DAO: variants seen among roughly 807,000 people sequenced by gnomAD.
DAO encodes D-amino acid oxidase.
In DAO, 51 loss-of-function variants were observed where a neutral mutation model predicts 50.1. That is an observed-to-expected ratio of 1.02 (90% CI 0.81 to 1.29). The LOEUF (loss-of-function observed/expected upper bound fraction) is 1.29. DAO is among the 50% of genes most tolerant of loss of function. The pLI, the probability that DAO is intolerant of heterozygous loss-of-function variation, is 0.00. For synonymous variants in DAO, 160 were observed against 166.2 expected (o/e 0.96, Z 0.29); for missense variants, 436 against 439.4 (o/e 0.99, Z 0.07).
Position 108,900,725 on chromosome 12 carries a change from A to G in DAO, c.*190A>G. 1 of 602,866 alleles carries G rather than the reference A, an allele frequency of 1.7e-6. No homozygotes were observed. The highest frequency in any genetic ancestry group is 2.9e-6 in the Non-Finnish European group (1 of 349,860). The allele number at this position is 602,866 out of a possible 1,614,324, so 37.3% of individuals were successfully genotyped here. ...CAACATGGGGCCCCTCTCATCACTG[A>G]AATCCCTCTACCTTCTCTGGGTCTG... On this transcript the variant is annotated 3_prime_UTR_variant, in exon 11 of 11. Coordinates refer to ENST00000228476, the MANE Select transcript of DAO (RefSeq NM_001917.5).
Position 108,884,897 on chromosome 12 carries a change from G to A in DAO, c.-9-101G>A, listed in dbSNP as rs188510672. The A allele has an allele frequency of 2.0e-4, 215 of 1,079,118 alleles. No individual in the cohort carries two copies. In the East Asian group the frequency reaches 4.6e-3, roughly 23 times the overall value. The allele number at this position is 1,079,118 out of a possible 1,614,324, so 66.8% of individuals were successfully genotyped here. On this transcript the variant is annotated intron_variant, in intron 1 of 10. Transcript: ENST00000228476. ...GGTCAAATATAAAAAGGGCTTGGTG[G>A]TGTCTGGCACCTTCTAAGCCTTCAG... is the stretch of plus-strand genomic sequence containing the variant.
chr12:108,892,053 A>C lies in DAO; in HGVS notation c.453-929A>C, dbSNP rs569410725. ...AAACATGCCCTCAAGATGTTTTTCT[A>C]TCTTGAGGAAATGATGGAAATGAGA... On this transcript the variant is annotated intron_variant, in intron 5 of 10. Coordinates refer to ENST00000228476, the MANE Select transcript of DAO (RefSeq NM_001917.5). Among the ~76,000 whole-genome samples the C allele has an allele frequency of 3.4e-4, 52 of 151,916 alleles. No homozygotes were observed. In the South Asian group the frequency reaches 0.011, roughly 31 times the overall value.
chr12:108,900,228 C>G, intron 10 of DAO, 176 bp from the exon 11 acceptor site: 1 of 673,350 alleles, frequency 1.5e-6, no homozygotes, highest in Non-Finnish European at 2.6e-6. Flanking sequence ...TCATCTCTTG[C>G]AACTGTTCCA....
chr12:108,900,735 A>G lies in DAO; in HGVS notation c.*200A>G. The G allele has an allele frequency of 5.4e-6, 3 of 552,206 alleles. No individual in the cohort carries two copies. In the South Asian group the frequency reaches 5.8e-5, roughly 11 times the overall value. The allele number at this position is 552,206 out of a possible 1,614,324, so 34.2% of individuals were successfully genotyped here. On this transcript the variant is annotated 3_prime_UTR_variant, in exon 11 of 11. Transcript: ENST00000228476. ...CCCCTCTCATCACTGAAATCCCTCT[A>G]CCTTCTCTGGGTCTGGCATTATAAA... is the stretch of plus-strand genomic sequence containing the variant.
intron 7 of DAO, among the ~76,000 whole-genome samples, chr12:108,895,279 G>T (rs974782054): frequency 1.3e-4 from 19 of 151,952 alleles, no homozygotes; most frequent in Admixed American, 1.0e-3. Flanking sequence ...GTGTGTGTGT[G>T]TATGTAAGGG....
At chr12:108,885,595 C>T (rs568954669) in intron 2 of DAO, among the ~76,000 whole-genome samples, 183 of 152,132 alleles carry the variant, frequency 1.2e-3, no homozygotes, top group African/African-American at 4.1e-3. Flanking sequence ...GAGTGAGACT[C>T]TGTTTCAAAA....
intron 1 of DAO, chr12:108,883,834 C>A: frequency 3.2e-6 from 1 of 316,992 alleles, no homozygotes; most frequent in Non-Finnish European, 6.5e-6. Flanking sequence ...CCAACAGAGT[C>A]CAGTTCTTGT....
rs2039610204 is a variant in DAO, at chr12:108,900,453, G to A, written c.962G>A (p.Gly321Glu). 6.2e-7 allele frequency: 1 copy of A among 1,614,150 alleles called. No individual in the cohort carries two copies. Among genetic ancestry groups the A allele is most frequent in the Middle Eastern group, 1.6e-4 (1 of 6,062 alleles). ...HGGYGLTIHW[G>E]CALEAAKLFG... ...GGCTACGGGCTCACCATCCACTGGG[G>A]ATGTGCCCTGGAGGCAGCCAAGCTC... The change falls in exon 11 of 11, where the codon GGA (glycine) becomes GAA (glutamate). Residue 321 changes from glycine (G) to glutamate (E), a missense_variant. Gly to Glu is a moderately conservative substitution (Grantham distance 98, BLOSUM62 -2). Coordinates refer to ENST00000228476, the MANE Select transcript of DAO (RefSeq NM_001917.5).
intron 9 of DAO, among the ~76,000 whole-genome samples, chr12:108,899,044 T>C (rs1201794935): frequency 2.0e-5 from 3 of 152,162 alleles, no homozygotes. Context: ...ACAGTAGTGA[T>C]GGTGATGAGG....
intron 5 of DAO, among the ~76,000 whole-genome samples, chr12:108,891,718 C>A (rs781068133): frequency 2.0e-5 from 3 of 151,962 alleles, no homozygotes; most frequent in Non-Finnish European, 4.4e-5. Flanking sequence ...CCCACCTCAG[C>A]CTCCAAAGTA....
At position 108,883,836 on chromosome 12, in the gene DAO, A is replaced by G. The variant is rs1222389982; in HGVS notation, c.-9-1162A>G. Reference sequence around the variant, plus strand: ...GGCTTCTGAAACCCCAACAGAGTCCAGTTCTTGTGGGCTGGAGCCGTTTTC... The same window carrying G: ...GGCTTCTGAAACCCCAACAGAGTCCGGTTCTTGTGGGCTGGAGCCGTTTTC... On this transcript the variant is annotated intron_variant, in intron 1 of 10. Transcript: ENST00000228476. The G allele has an allele frequency of 1.3e-5, 4 of 314,308 alleles. No individual in the cohort carries two copies. The East Asian group carries it at 3.4e-4, about 27-fold the overall frequency. 19.5% of individuals were successfully genotyped at this position (314,308 alleles called of 1,614,324 possible).
At chr12:108,880,580 T>C (rs1203936482) in intron 1 of DAO, among the ~76,000 whole-genome samples, 1 of 151,126 alleles carries the variant, frequency 6.6e-6, no homozygotes, top group East Asian at 1.9e-4. Flanking sequence ...GTTGGTAGGC[T>C]GGTTCTCAAA....
intron 10 of DAO, chr12:108,899,911 G>A (rs975843199): frequency 2.9e-5 from 9 of 305,176 alleles, no homozygotes; most frequent in South Asian, 2.6e-4. Flanking sequence ...TAATGATGGT[G>A]GTGAAATGGT....
chr12:108,891,255 C>T (rs2039488957), intron 5 of DAO, among the ~76,000 whole-genome samples: 1 of 151,952 alleles, frequency 6.6e-6, no homozygotes, highest in South Asian at 2.1e-4. Flanking sequence ...TCAAGACCAG[C>T]CTGGGCAACA....
Position 108,900,651 on chromosome 12 carries a change from A to G in DAO, c.*116A>G. On this transcript the variant is annotated 3_prime_UTR_variant, in exon 11 of 11. Transcript: ENST00000228476. ...CCCTCACTTCTTTCCTCAAAGAAGC[A>G]TGAGGTGAGAGAAAGCCACAAAGTC... The G allele has an allele frequency of 6.8e-7, 1 of 1,462,008 alleles. No homozygotes were observed. Among genetic ancestry groups the G allele is most frequent in the African/African-American group, 1.4e-5 (1 of 71,680 alleles). The allele number at this position is 1,462,008 out of a possible 1,614,324, so 90.6% of individuals were successfully genotyped here. A position where few individuals can be genotyped will look rare whatever the true frequency, so the allele number is the denominator to read the frequency against.
chr12:108,897,590 C>T lies in DAO; in HGVS notation c.695+502C>T, dbSNP rs73410965. Among the ~76,000 whole-genome samples the T allele has an allele frequency of 6.6e-3, 1,004 of 152,122 alleles. 9 individuals carry two copies. Among genetic ancestry groups the T allele is most frequent in the African/African-American group, 0.023 (961 of 41,504 alleles). On this transcript the variant is annotated intron_variant, in intron 8 of 10. Coordinates refer to ENST00000228476, the MANE Select transcript of DAO (RefSeq NM_001917.5). ...AGACTCAGCCTCGACTGAGGTCTAC[C>T]GTGAACATTCTTTTGGATGACAATA... is the stretch of plus-strand genomic sequence containing the variant.
At chr12:108,892,475 G>A (rs2039502178) in intron 5 of DAO, among the ~76,000 whole-genome samples, 1 of 152,092 alleles carries the variant, frequency 6.6e-6, no homozygotes, top group African/African-American at 2.4e-5. Context: ...TGTTTCTAGT[G>A]TATTTCTAAT....
In DAO at chr12:108,894,276, G is replaced by A; in HGVS notation, c.521G>A (p.Gly174Asp). Residue 174 changes from glycine (G) to aspartate (D), a missense_variant, in exon 7 of 11, where the codon GGC (glycine) becomes GAC (aspartate). Coordinates refer to ENST00000228476, the MANE Select transcript of DAO (RefSeq NM_001917.5). ...VESFEEVARE[G>D]ADVIVNCTGV... is the part of the protein sequence containing the mutation. Reference sequence around the variant, plus strand: ...GGTTGCTACCAGGTGGCAAGAGAAGGCGCAGACGTGATTGTCAACTGCACT... The same window carrying A: ...GGTTGCTACCAGGTGGCAAGAGAAGACGCAGACGTGATTGTCAACTGCACT... The A allele has an allele frequency of 6.2e-7, 1 of 1,613,914 alleles. No individual in the cohort carries two copies. The highest frequency in any genetic ancestry group is 8.5e-7 in the Non-Finnish European group (1 of 1,179,942).
chr12:108,884,657 ACCGGCCTACCCAG>A (rs1045186956), intron 1 of DAO, among the ~76,000 whole-genome samples: 2 of 151,928 alleles, frequency 1.3e-5, no homozygotes, highest in Non-Finnish European at 2.9e-5. Context: ...CGCACTAACC[ACCGGCCTACCCAG>A]CCTACAGTTG....
Sources: allele counts gnomAD v4.1 joint callset (sites outside exome capture counted in the v4.1 genomes callset), GRCh38; gene constraint gnomAD v4.1.1; transcripts MANE v1.5; gene names NCBI Gene and HGNC (gene_info 2026-07-23, HGNC 2026-07-21).